The following SGCZ variants were observed in gnomAD, a reference collection of about 807,000 sequenced individuals.
The protein encoded by SGCZ is zeta-sarcoglycan.
SGCZ carries 40 observed loss-of-function variants against 41.3 expected under a neutral mutation model. The observed-to-expected ratio is 0.97, with a 90% CI of 0.75 to 1.26. The LOEUF (loss-of-function observed/expected upper bound fraction) is 1.26, where lower values mean the gene tolerates loss of function less well. SGCZ is among the 50% of genes most tolerant of loss of function. The pLI is 0.00. For synonymous variants in SGCZ, 206 were observed against 137.5 expected (o/e 1.50, Z -3.49); for missense variants, 552 against 369.8 (o/e 1.49, Z -4.04).
At chr8:14,734,514 G>C (rs1324701698) in intron 1 of SGCZ, among the ~76,000 whole-genome samples, 1 of 152,094 alleles carries the variant, frequency 6.6e-6, no homozygotes, top group Non-Finnish European at 1.5e-5. Context: ...AAGGAACTTA[G>C]TATTTTTGCC....
chr8:14,740,381 G>A (rs1435526995), intron 1 of SGCZ, among the ~76,000 whole-genome samples: 1 of 143,744 alleles, frequency 7.0e-6, no homozygotes, highest in Non-Finnish European at 1.5e-5. Flanking sequence ...GTAGGTAGGG[G>A]TGTGTGTGTG....
intron 1 of SGCZ, among the ~76,000 whole-genome samples, chr8:14,647,130 C>T (rs530929359): frequency 1.6e-4 from 24 of 152,064 alleles, no homozygotes; most frequent in South Asian, 1.0e-3. Context: ...ATCTCCCTTG[C>T]GCAGAAACAT....
intron 2 of SGCZ, among the ~76,000 whole-genome samples, chr8:14,505,975 T>A (rs965829351): frequency 1.3e-5 from 2 of 152,132 alleles, no homozygotes; most frequent in Non-Finnish European, 2.9e-5. Context: ...TGATGCTATG[T>A]CCTTCCCAAA....
chr8:14,363,647 A>C (rs141443431), intron 2 of SGCZ, among the ~76,000 whole-genome samples: 1 of 152,234 alleles, frequency 6.6e-6, no homozygotes, highest in East Asian at 1.9e-4. Flanking sequence ...AGTAAGGAGC[A>C]TTCAATCCTT....
At chr8:14,164,777 C>G (rs1585193596) in intron 4 of SGCZ, 75 bp from the exon 5 acceptor site, 1 of 1,520,070 alleles carries the variant, frequency 6.6e-7, no homozygotes, top group East Asian at 2.3e-5. Flanking sequence ...TGGAAATAGA[C>G]TAGAAATGCA....
intron 1 of SGCZ, among the ~76,000 whole-genome samples, chr8:14,656,563 T>C (rs1807583708): frequency 6.7e-6 from 1 of 149,484 alleles, no homozygotes; most frequent in African/African-American, 2.4e-5. Flanking sequence ...TTTTCTTTCT[T>C]TTCCTTCCCT....
At chr8:14,442,398 C>T (rs949043980) in intron 2 of SGCZ, among the ~76,000 whole-genome samples, 42 of 152,138 alleles carry the variant, frequency 2.8e-4, no homozygotes, top group African/African-American at 1.0e-3. Context: ...GATTGTGAAG[C>T]CTCTTCAGCC....
intron 1 of SGCZ, among the ~76,000 whole-genome samples, chr8:14,937,385 T>A (rs1421184543): frequency 6.6e-6 from 1 of 152,050 alleles, no homozygotes; most frequent in African/African-American, 2.4e-5. Flanking sequence ...GTTTTAATTA[T>A]TTTCCCAAAA....
At chr8:15,108,418 C>T (rs1806915702) in intron 1 of SGCZ, among the ~76,000 whole-genome samples, 1 of 152,100 alleles carries the variant, frequency 6.6e-6, no homozygotes, top group Non-Finnish European at 1.5e-5. Flanking sequence ...ACCTGTAATC[C>T]ATTTGTTGCA....
In SGCZ at chr8:14,990,714, G is replaced by T. The variant is rs190533400; in HGVS notation, c.39+246871C>A. ...AATGTAATAATAATAGAAATAAAGT[G>T]CGTAATAAAGGCAAGGTACTTGAAT... On this transcript the variant is annotated intron_variant, in intron 1 of 7. Transcript: ENST00000382080. Among the ~76,000 whole-genome samples, 80 of 152,152 alleles carry T rather than the reference G, an allele frequency of 5.3e-4. 2 individuals carry two copies. The highest frequency in any genetic ancestry group is 5.0e-3 in the Admixed American group (77 of 15,288).
chr8:14,777,633 C>T (rs1045274213), intron 1 of SGCZ, among the ~76,000 whole-genome samples: 19 of 152,164 alleles, frequency 1.2e-4, no homozygotes, highest in African/African-American at 4.6e-4. Flanking sequence ...TACGCATATC[C>T]ATGTTCACAG....
intron 3 of SGCZ, among the ~76,000 whole-genome samples, chr8:14,311,743 G>C (rs528498733): frequency 1.2e-4 from 18 of 152,056 alleles, no homozygotes; most frequent in Non-Finnish European, 2.4e-4. Flanking sequence ...TGTATTCTTT[G>C]AATATACGAA....
chr8:14,262,667 A>G (rs895446596), intron 3 of SGCZ, among the ~76,000 whole-genome samples: 52 of 152,002 alleles, frequency 3.4e-4, no homozygotes, highest in African/African-American at 9.9e-4. Flanking sequence ...TTTTATTGTC[A>G]TCGAGCTTTA....
At chr8:14,609,214 C>G (rs957621618) in intron 1 of SGCZ, among the ~76,000 whole-genome samples, 2 of 152,002 alleles carry the variant, frequency 1.3e-5, no homozygotes, top group African/African-American at 4.8e-5. Context: ...TTATTACTTA[C>G]AAATAAATGA....
chr8:14,457,572 A>ACG, intron 2 of SGCZ, among the ~76,000 whole-genome samples: 1 of 152,310 alleles, frequency 6.6e-6, no homozygotes, highest in East Asian at 1.9e-4. Context: ...TTCAGTGGTC[A>ACG]CGCTCCTAGT....
intron 1 of SGCZ, among the ~76,000 whole-genome samples, chr8:14,607,271 C>G (rs1805781947): frequency 6.6e-6 from 1 of 152,114 alleles, no homozygotes; most frequent in Admixed American, 6.5e-5. Context: ...ATTTGGCCTT[C>G]TTTCTTTGCC....
intron 1 of SGCZ, among the ~76,000 whole-genome samples, chr8:14,975,073 G>A (rs1801420686): frequency 6.6e-6 from 1 of 152,052 alleles, no homozygotes; most frequent in African/African-American, 2.4e-5. Flanking sequence ...TTGGGAGGCC[G>A]AGGCAGGCAG....
Position 15,138,720 on chromosome 8 carries a change from A to G in SGCZ, c.39+98865T>C, listed in dbSNP as rs368230586. On this transcript the variant is annotated intron_variant, in intron 1 of 7. Coordinates refer to ENST00000382080, the MANE Select transcript of SGCZ (RefSeq NM_139167.4). ...GCCGCCTCAGCCATGCTGAACTGTG[A>G]GTCAATTAAACCTCTTTTCTTTATA... 1.4e-4 allele frequency among the ~76,000 whole-genome samples: 21 copies of G among 152,270 alleles called. No homozygotes were observed. In the East Asian group the frequency reaches 4.1e-3, roughly 29 times the overall value.
rs554145243 is a variant in SGCZ at position 15,091,629 on chromosome 8, G to C, written c.39+145956C>G. On this transcript the variant is annotated intron_variant, in intron 1 of 7. Transcript: ENST00000382080. ...TCCTTCCACAGATCTGCTGGAGATG[G>C]AACTAAAAAAATTTCCAATTTAAAT... Among the ~76,000 whole-genome samples, 7 of 152,136 alleles carry C rather than the reference G, an allele frequency of 4.6e-5. No individual in the cohort carries two copies. The South Asian group carries it at 1.2e-3, about 27-fold the overall frequency.
Sources: gnomAD v4.1 joint callset for allele counts (sites outside exome capture counted in the v4.1 genomes callset) on GRCh38, gnomAD v4.1.1 for gene constraint, MANE v1.5 for transcripts, NCBI Gene and HGNC (gene_info 2026-07-23, HGNC 2026-07-21) for gene names.